The following ZNF236 variants were observed in gnomAD, a reference collection of about 807,000 sequenced individuals.
ZNF236 encodes the protein regulated by glucose.
A neutral mutation model predicts 191.2 loss-of-function variants in ZNF236; 50 were observed. The observed-to-expected ratio is 0.26, with a 90% CI of 0.21 to 0.33. ZNF236 has a LOEUF of 0.33. ZNF236 is among the 10% of genes least tolerant of loss of function. ZNF236 has a pLI of 1.00. For synonymous variants in ZNF236, 907 were observed against 928.8 expected (o/e 0.98, Z 0.43); for missense variants, 1,754 against 2,374.5 (o/e 0.74, Z 5.43).
intron 20 of ZNF236, among the ~76,000 whole-genome samples, chr18:76,922,156 A>G (rs1166810237): frequency 2.0e-5 from 3 of 152,096 alleles, no homozygotes; most frequent in Non-Finnish European, 4.4e-5. Flanking sequence ...GCATGGGGAT[A>G]CCAAATTAAT....
chr18:76,849,468 A>G, intron 1 of ZNF236, 58 bp from the exon 2 acceptor site: 1 of 1,412,288 alleles, frequency 7.1e-7, no homozygotes, highest in South Asian at 1.5e-5. Context: ...ATTTGGTTTT[A>G]TTTATGTGAT....
Position 76,960,889 on chromosome 18 carries a change from C to A in ZNF236, c.5419+34C>A. ...GCTGCACCCGGGAGTGCGTGCTGTT[C>A]GGTGGCCTGCGAGGCACCCTGTGTT... On this transcript the variant is annotated intron_variant, in intron 30 of 30. Coordinates refer to ENST00000320610, the MANE Select transcript of ZNF236 (RefSeq NM_001306089.2). This position sits in a 1 kb window ranked among gnomAD's most constrained non-coding sequence, Gnocchi z 4.4. 1 of 1,577,016 alleles carries A rather than the reference C, an allele frequency of 6.3e-7. No homozygotes were observed. The highest frequency in any genetic ancestry group is 8.6e-7 in the Non-Finnish European group (1 of 1,159,750).
chr18:76,903,613 C>A (rs530840470), intron 11 of ZNF236, among the ~76,000 whole-genome samples: 2 of 152,016 alleles, frequency 1.3e-5, no homozygotes, highest in East Asian at 3.9e-4. Context: ...GAGGAGCAGC[C>A]CAAGGCTGAT....
intron 7 of ZNF236, among the ~76,000 whole-genome samples, chr18:76,879,632 T>C (rs1226209224): frequency 1.3e-5 from 2 of 152,192 alleles, no homozygotes; most frequent in South Asian, 2.1e-4. Flanking sequence ...TGGCTCTCTC[T>C]CCCATCACAG....
Position 76,919,703 on chromosome 18 carries a change from G to C in ZNF236, c.3275-73G>C. On this transcript the variant is annotated intron_variant, in intron 19 of 30. Coordinates refer to ENST00000320610, the MANE Select transcript of ZNF236 (RefSeq NM_001306089.2). This position sits in a 1 kb window ranked among gnomAD's most constrained non-coding sequence, Gnocchi z 5.3. ...TTTTCATTACATACATACCTATTTA[G>C]TTTTAATTGTTTTGCTAAAAACCTA... 1 of 1,543,782 alleles carries C rather than the reference G, an allele frequency of 6.5e-7. No homozygotes were observed. Among genetic ancestry groups the C allele is most frequent in the Non-Finnish European group, 8.8e-7 (1 of 1,130,980 alleles).
At chr18:76,837,208 T>C (rs888368555) in intron 1 of ZNF236, among the ~76,000 whole-genome samples, 10 of 147,188 alleles carry the variant, frequency 6.8e-5, no homozygotes, top group African/African-American at 2.0e-4. Flanking sequence ...CACAAAAGTT[T>C]TAAATTTTAA....
At position 76,970,331 on chromosome 18, in the gene ZNF236, T is replaced by C. The variant is rs1968888019; in HGVS notation, c.*1992T>C. On this transcript the variant is annotated 3_prime_UTR_variant, in exon 31 of 31. Coordinates refer to ENST00000320610, the MANE Select transcript of ZNF236 (RefSeq NM_001306089.2). Reference sequence around the variant, plus strand: ...TGGTGAATTGTATTGGTTAATTGACTGTTTAAGGCCTTAACAGGTGAATCT... The same window carrying C: ...TGGTGAATTGTATTGGTTAATTGACCGTTTAAGGCCTTAACAGGTGAATCT... 6.5e-6 allele frequency: 1 copy of C among 152,678 alleles called. No individual in the cohort carries two copies. Among genetic ancestry groups the C allele is most frequent in the Admixed American group, 6.5e-5 (1 of 15,284 alleles). 9.5% of individuals were successfully genotyped at this position (152,678 alleles called of 1,614,324 possible). A position where few individuals can be genotyped will look rare whatever the true frequency, so the allele number is the denominator to read the frequency against.
chr18:76,844,586 G>C (rs1975620907), intron 1 of ZNF236, among the ~76,000 whole-genome samples: 1 of 152,200 alleles, frequency 6.6e-6, no homozygotes, highest in Non-Finnish European at 1.5e-5. Flanking sequence ...AGCTGAAACT[G>C]TTATATCTCT....
intron 13 of ZNF236, among the ~76,000 whole-genome samples, chr18:76,906,662 C>T (rs1977750833): frequency 1.3e-5 from 2 of 152,154 alleles, no homozygotes; most frequent in African/African-American, 2.4e-5. Context: ...ACCCAGTGAC[C>T]AATGCTGTAA....
Position 76,927,648 on chromosome 18 carries a change from T to C in ZNF236, c.4414+131T>C, listed in dbSNP as rs1198250818. 8.0e-7 allele frequency: 1 copy of C among 1,253,402 alleles called. No homozygotes were observed. The highest frequency in any genetic ancestry group is 1.5e-5 in the African/African-American group (1 of 66,240). The allele number at this position is 1,253,402 out of a possible 1,614,324, so 77.6% of individuals were successfully genotyped here. Reference sequence around the variant, plus strand: ...GTAGAAGAGAATAAATCAAATGTCCTGAGAATAAAATAAGCTTTTCTTACA... The same window carrying C: ...GTAGAAGAGAATAAATCAAATGTCCCGAGAATAAAATAAGCTTTTCTTACA... On this transcript the variant is annotated intron_variant, in intron 24 of 30. Transcript: ENST00000320610. This position sits in a 1 kb window ranked among gnomAD's most constrained non-coding sequence, Gnocchi z 5.4.
intron 26 of ZNF236, 135 bp downstream of exon 26, chr18:76,937,478 A>T: frequency 1.3e-6 from 1 of 799,198 alleles, no homozygotes; most frequent in South Asian, 2.4e-5. Flanking sequence ...TTTTCTGATT[A>T]AAAAATACGG....
intron 1 of ZNF236, among the ~76,000 whole-genome samples, chr18:76,836,949 C>G (rs1029615458): frequency 6.6e-6 from 1 of 152,070 alleles, no homozygotes; most frequent in Admixed American, 6.5e-5. Context: ...AGTCTTGGCT[C>G]ACTGCAACCT....
chr18:76,863,429 A>G (rs753881582), intron 3 of ZNF236, among the ~76,000 whole-genome samples: 1 of 152,216 alleles, frequency 6.6e-6, no homozygotes, highest in Non-Finnish European at 1.5e-5. Context: ...TAAGAAAAAA[A>G]TCTTGTGAGA....
intron 3 of ZNF236, among the ~76,000 whole-genome samples, chr18:76,868,136 C>G (rs1294135851): frequency 6.6e-6 from 1 of 152,024 alleles, no homozygotes; most frequent in Non-Finnish European, 1.5e-5. Context: ...TGCAGTTACC[C>G]CACGCCTTGC....
intron 26 of ZNF236, among the ~76,000 whole-genome samples, chr18:76,946,262 C>G (rs998056692): frequency 2.0e-5 from 3 of 152,182 alleles, no homozygotes; most frequent in African/African-American, 7.2e-5. Context: ...ACAAGCTCTC[C>G]TCTCTTTGCT....
intron 14 of ZNF236, among the ~76,000 whole-genome samples, chr18:76,909,301 T>G: frequency 8.0e-6 from 1 of 124,896 alleles, no homozygotes; most frequent in Non-Finnish European, 1.6e-5. Context: ...GACAACGGAG[T>G]GAGTGAGACT....
At chr18:76,863,243 A>T (rs186548942) in intron 3 of ZNF236, among the ~76,000 whole-genome samples, 6 of 152,346 alleles carry the variant, frequency 3.9e-5, no homozygotes, top group Admixed American at 3.9e-4. Context: ...CATCATGGTC[A>T]TCACAAAGGA....
chr18:76,944,431 T>C (rs778785718), intron 26 of ZNF236, among the ~76,000 whole-genome samples: 2 of 152,256 alleles, frequency 1.3e-5, no homozygotes, highest in African/African-American at 2.4e-5. Flanking sequence ...TCCATAAGTA[T>C]AGCTAATCGT....
At chr18:76,936,664 C>T (rs1968009386) in intron 25 of ZNF236, among the ~76,000 whole-genome samples, 2 of 152,162 alleles carry the variant, frequency 1.3e-5, no homozygotes, top group African/African-American at 2.4e-5. Context: ...AGATTTATCC[C>T]GTAAGCTCAG....
Sources: gnomAD v4.1 joint callset for allele counts (sites outside exome capture counted in the v4.1 genomes callset) on GRCh38, gnomAD v4.1.1 for gene constraint, Gnocchi (gnomAD v3.1) non-coding constraint, MANE v1.5 for transcripts, NCBI Gene and HGNC (gene_info 2026-07-23, HGNC 2026-07-21) for gene names.